SYT17: variants seen among roughly 807,000 people sequenced by gnomAD.
SYT17 encodes synaptotagmin 17.
Under a neutral mutation model 46.7 loss-of-function variants are expected in SYT17, and 22 were observed. That is an observed-to-expected ratio of 0.47 (90% CI 0.34 to 0.67). The LOEUF is 0.67. Ranked by LOEUF, SYT17 falls within the 30% of genes least tolerant of loss-of-function variation. The probability of loss-of-function intolerance (pLI) is 0.01; values close to 1 mark genes in which losing one functional copy is unlikely to be tolerated. For synonymous variants in SYT17, 251 were observed against 248.4 expected (o/e 1.01, Z -0.10); for missense variants, 519 against 612.8 (o/e 0.85, Z 1.62).
chr16:19,201,193 G>T (rs1320126227), intron 5 of SYT17, among the ~76,000 whole-genome samples: 1 of 152,184 alleles, frequency 6.6e-6, no homozygotes, highest in Non-Finnish European at 1.5e-5. Flanking sequence ...GGTCATGGAG[G>T]CCTGTTTATC....
intron 7 of SYT17, among the ~76,000 whole-genome samples, chr16:19,244,686 G>A (rs534323813): frequency 2.6e-5 from 4 of 152,236 alleles, no homozygotes; most frequent in Admixed American, 2.0e-4. Flanking sequence ...CCTGTCATGA[G>A]TGACCTTCCA....
chr16:19,233,169 C>A lies in SYT17; in HGVS notation c.1228+8331C>A, dbSNP rs193110101. Among the ~76,000 whole-genome samples the A allele has an allele frequency of 3.7e-3, 570 of 152,348 alleles. 3 individuals carry two copies. The highest frequency in any genetic ancestry group is 0.013 in the African/African-American group (548 of 41,582). ...CCCTCTGTGAGAGCGAGTGCCAAGGCACCTGGTCTGTGTTCCATAATTGCT... is the reference window on the plus strand; with the variant it reads ...CCCTCTGTGAGAGCGAGTGCCAAGGAACCTGGTCTGTGTTCCATAATTGCT... On this transcript the variant is annotated intron_variant, in intron 7 of 7. Coordinates refer to ENST00000355377, the MANE Select transcript of SYT17 (RefSeq NM_016524.4).
intron 7 of SYT17, among the ~76,000 whole-genome samples, chr16:19,254,660 T>G (rs1398063820): frequency 6.6e-6 from 1 of 152,182 alleles, no homozygotes; most frequent in Non-Finnish European, 1.5e-5. Context: ...ATATTGTAAC[T>G]AGCTCTGTAG....
chr16:19,267,256 G>A lies in SYT17; in HGVS notation c.*180G>A. 1 of 566,112 alleles carries A rather than the reference G, an allele frequency of 1.8e-6. No homozygotes were observed. Among genetic ancestry groups the A allele is most frequent in the Non-Finnish European group, 2.9e-6 (1 of 350,792 alleles). 35.1% of individuals were successfully genotyped at this position (566,112 alleles called of 1,614,324 possible). On this transcript the variant is annotated 3_prime_UTR_variant, in exon 8 of 8. Coordinates refer to ENST00000355377, the MANE Select transcript of SYT17 (RefSeq NM_016524.4). ...CAGAACTGAGAGGAAGCTGACTATT[G>A]ATCACAAAATGGCCGCCCTCAGTTG...
At chr16:19,197,896 A>T (rs1544355) in intron 5 of SYT17, among the ~76,000 whole-genome samples, 1 of 152,012 alleles carries the variant, frequency 6.6e-6, no homozygotes, top group Non-Finnish European at 1.5e-5. Context: ...ACTGTACCAA[A>T]ACTCACTGTA....
intron 5 of SYT17, among the ~76,000 whole-genome samples, chr16:19,185,538 A>C (rs901883364): frequency 1.1e-4 from 16 of 151,970 alleles, no homozygotes; most frequent in Admixed American, 8.5e-4. Flanking sequence ...GCAGTGAGCT[A>C]TGATCGAGCC....
chr16:19,191,063 T>TAA (rs1296669875), intron 5 of SYT17, among the ~76,000 whole-genome samples: 2 of 152,038 alleles, frequency 1.3e-5, no homozygotes, highest in African/African-American at 2.4e-5. Context: ...AGATGCCCCG[T>TAA]GGCCATGCGG....
In SYT17 at chr16:19,233,366, T is replaced by TG. The variant is rs1057379886; in HGVS notation, c.1228+8533dup. 3.3e-5 allele frequency among the ~76,000 whole-genome samples: 5 copies of TG among 151,954 alleles called. No individual in the cohort carries two copies. In the South Asian group the frequency reaches 1.0e-3, roughly 32 times the overall value. ...ACTGGAGGATGTTCTTTAAAGGGGT[T>TG]GGGGGCCAGGCACAGTGACTCACAT... On this transcript the variant is annotated intron_variant, in intron 7 of 7. Transcript: ENST00000355377.
intron 5 of SYT17, among the ~76,000 whole-genome samples, chr16:19,216,483 T>C (rs992067778): frequency 6.6e-6 from 1 of 151,948 alleles, no homozygotes. Flanking sequence ...GCTGCACCCA[T>C]CAACCTGTCA....
intron 7 of SYT17, among the ~76,000 whole-genome samples, chr16:19,249,030 T>G (rs903707141): frequency 6.6e-6 from 1 of 152,096 alleles, no homozygotes; most frequent in African/African-American, 2.4e-5. Flanking sequence ...ATCCCAGCAC[T>G]TTGGGAGGCC....
At chr16:19,264,663 T>C (rs1969240427) in intron 7 of SYT17, among the ~76,000 whole-genome samples, 1 of 150,788 alleles carries the variant, frequency 6.6e-6, no homozygotes, top group South Asian at 2.1e-4. Context: ...AGTGGCACCA[T>C]CACTGCAGCC....
intron 5 of SYT17, among the ~76,000 whole-genome samples, chr16:19,202,864 T>TA (rs1196813898): frequency 1.3e-5 from 2 of 152,150 alleles, no homozygotes; most frequent in Non-Finnish European, 2.9e-5. Flanking sequence ...TAGCTGGGAC[T>TA]ACAGGCATGC....
chr16:19,239,285 T>C (rs918124531), intron 7 of SYT17, among the ~76,000 whole-genome samples: 3 of 148,630 alleles, frequency 2.0e-5, no homozygotes, highest in Non-Finnish European at 4.4e-5. Flanking sequence ...TCAAAATTAA[T>C]TAATTAATTA....
chr16:19,222,435 T>G (rs1194992825), intron 5 of SYT17, among the ~76,000 whole-genome samples: 1 of 152,174 alleles, frequency 6.6e-6, no homozygotes, highest in Non-Finnish European at 1.5e-5. Flanking sequence ...ATGGGTACTC[T>G]TCAACAAGGG....
At chr16:19,211,602 C>A in intron 5 of SYT17, 1 of 624,742 alleles carries the variant, frequency 1.6e-6, no homozygotes, top group South Asian at 1.9e-5. Context: ...AAGTTCAAGC[C>A]TTGGGGCAGG....
intron 5 of SYT17, among the ~76,000 whole-genome samples, chr16:19,190,285 T>C (rs1335220393): frequency 5.9e-5 from 9 of 152,074 alleles, no homozygotes; most frequent in Admixed American, 3.3e-4. Context: ...GCAGGAGAAA[T>C]GCTTGAACAT....
At chr16:19,263,813 G>C (rs1333993239) in intron 7 of SYT17, among the ~76,000 whole-genome samples, 1 of 152,098 alleles carries the variant, frequency 6.6e-6, no homozygotes, top group Non-Finnish European at 1.5e-5. Flanking sequence ...GCCATAAAAA[G>C]TAGCACTACA....
chr16:19,173,399 T>TCCCCCCCCCCCCCC, intron 2 of SYT17, 31 bp from the exon 3 acceptor site: 2 of 95,542 alleles, frequency 2.1e-5, no homozygotes, highest in Non-Finnish European at 4.0e-5. Context: ...CTCTCCCCCA[T>TCCCCCCCCCCCCCC]CCCCCCGCCC....
At chr16:19,203,678 T>G (rs1365004110) in intron 5 of SYT17, among the ~76,000 whole-genome samples, 1 of 152,258 alleles carries the variant, frequency 6.6e-6, no homozygotes, top group East Asian at 1.9e-4. Context: ...TTCCCTCCGC[T>G]GCAGGGACTC....
Sources: gnomAD v4.1 joint callset for allele counts (sites outside exome capture counted in the v4.1 genomes callset) on GRCh38, gnomAD v4.1.1 for gene constraint, MANE v1.5 for transcripts, NCBI Gene and HGNC (gene_info 2026-07-23, HGNC 2026-07-21) for gene names.